The following SYNPR variants were observed in gnomAD, a reference collection of about 807,000 sequenced individuals.
SYNPR encodes the protein synaptoporin.
A neutral mutation model predicts 32.9 loss-of-function variants in SYNPR; 23 were observed. The ratio of observed to expected loss-of-function variants is 0.70; its 90% CI spans 0.50 to 0.99. The LOEUF is 0.99. Among genes scored for constraint, SYNPR ranks in the 50% least tolerant of loss-of-function variants. The pLI, the probability that SYNPR is intolerant of heterozygous loss-of-function variation, is 0.00. For missense variants in SYNPR, 318 were observed against 349.3 expected (o/e 0.91, Z 0.71); for synonymous variants, 146 against 135.9 (o/e 1.07, Z -0.52).
chr3:63,348,990 T>C lies in SYNPR; in HGVS notation c.84+70248T>C, dbSNP rs572532984. 9.2e-5 allele frequency among the ~76,000 whole-genome samples: 14 copies of C among 152,350 alleles called. 1 individual carries two copies. Among genetic ancestry groups the C allele is most frequent in the Middle Eastern group, 3.4e-3 (1 of 294 alleles). On this transcript the variant is annotated intron_variant, in intron 2 of 5. Coordinates refer to ENST00000478300, the MANE Select transcript of SYNPR (RefSeq NM_001130003.2). ...ATTTTGCTTAGGATTGCTTTGACTT[T>C]TGGTCTCTTTTTAGTTCCATATGAA...
chr3:63,390,667 CCCAGT>C (rs1193212690), intron 2 of SYNPR, among the ~76,000 whole-genome samples: 1 of 152,172 alleles, frequency 6.6e-6, no homozygotes, highest in African/African-American at 2.4e-5. Flanking sequence ...TTCACACATT[CCCAGT>C]AATGCTCTGG....
chr3:63,582,626 A>G (rs1419401269), intron 4 of SYNPR, among the ~76,000 whole-genome samples: 1 of 152,070 alleles, frequency 6.6e-6, no homozygotes, highest in Non-Finnish European at 1.5e-5. Flanking sequence ...TTTTTACTTT[A>G]TCTGCTTATA....
upstream of SYNPR, among the ~76,000 whole-genome samples, chr3:63,224,450 T>C (rs2086114413): frequency 6.6e-6 from 1 of 152,144 alleles, no homozygotes; most frequent in Admixed American, 6.5e-5. Context: ...ACATGACTAA[T>C]TTTTACCAGG....
chr3:63,280,722 AGG>A (rs1456823049), intron 2 of SYNPR, among the ~76,000 whole-genome samples: 1 of 127,518 alleles, frequency 7.8e-6, no homozygotes, highest in African/African-American at 2.7e-5. Context: ...CCCTTGGGGG[AGG>A]GGTGTGTGTG....
intron 2 of SYNPR, among the ~76,000 whole-genome samples, chr3:63,298,457 C>T (rs370556365): frequency 4.3e-5 from 2 of 46,444 alleles, no homozygotes; most frequent in South Asian, 8.0e-4. Flanking sequence ...GAAGAACCAG[C>T]GTGATGTAAT....
chr3:63,207,589 T>C, the SYNPR span, among the ~76,000 whole-genome samples: 2 of 152,068 alleles, frequency 1.3e-5, no homozygotes, highest in African/African-American at 2.4e-5. Flanking sequence ...CTAAACAAAA[T>C]CACAACACAA....
At chr3:63,552,096 C>T (rs902741480) in intron 3 of SYNPR, among the ~76,000 whole-genome samples, 1 of 151,948 alleles carries the variant, frequency 6.6e-6, no homozygotes, top group African/African-American at 2.4e-5. Context: ...CGAGGTTTCA[C>T]CATGTTGGTC....
chr3:63,351,442 C>G (rs1343475966), intron 2 of SYNPR: 1 of 152,130 alleles, frequency 6.6e-6, no homozygotes, highest in Non-Finnish European at 1.5e-5. Flanking sequence ...TTCCAAGAAG[C>G]AAAGATTCTT....
At chr3:63,469,169 G>C (rs905484384) in intron 2 of SYNPR, among the ~76,000 whole-genome samples, 2 of 152,090 alleles carry the variant, frequency 1.3e-5, no homozygotes, top group African/African-American at 4.8e-5. Context: ...CGCTGCACAT[G>C]GCAATCTGAG....
intron 4 of SYNPR, among the ~76,000 whole-genome samples, chr3:63,592,868 C>G (rs1002896903): frequency 1.3e-5 from 2 of 152,020 alleles, no homozygotes; most frequent in African/African-American, 4.8e-5. Context: ...CTGGGCTAAG[C>G]ATTTTATTGC....
intron 2 of SYNPR, among the ~76,000 whole-genome samples, chr3:63,256,494 C>T (rs2106895120): frequency 2.0e-5 from 3 of 152,280 alleles, no homozygotes; most frequent in African/African-American, 7.2e-5. Flanking sequence ...TCCAACAGAC[C>T]CGCAGCTGAG....
intron 4 of SYNPR, among the ~76,000 whole-genome samples, chr3:63,585,400 C>G (rs1242898429): frequency 6.6e-6 from 1 of 151,862 alleles, no homozygotes; most frequent in Non-Finnish European, 1.5e-5. Context: ...CATGCATGCC[C>G]CTGGAAGGCA....
At chr3:63,599,378 T>A (rs775440102) in intron 4 of SYNPR, among the ~76,000 whole-genome samples, 11 of 152,210 alleles carry the variant, frequency 7.2e-5, no homozygotes, top group Non-Finnish European at 1.2e-4. Flanking sequence ...AAGTGTACTA[T>A]TTTTTATCCT....
At chr3:63,410,214 C>T (rs1015837734) in intron 2 of SYNPR, among the ~76,000 whole-genome samples, 38 of 152,116 alleles carry the variant, frequency 2.5e-4, no homozygotes, top group Non-Finnish European at 5.3e-4. Flanking sequence ...CTAGGTACTG[C>T]AAAAACAAGA....
At chr3:63,292,052 T>C (rs1456218340) in intron 2 of SYNPR, among the ~76,000 whole-genome samples, 4 of 152,300 alleles carry the variant, frequency 2.6e-5, no homozygotes, top group East Asian at 3.9e-4. Flanking sequence ...CTGTACTGAA[T>C]ACTGTAAGCA....
intron 4 of SYNPR, among the ~76,000 whole-genome samples, chr3:63,602,842 A>G (rs575819870): frequency 5.9e-5 from 9 of 151,950 alleles, no homozygotes; most frequent in African/African-American, 1.7e-4. Context: ...CATTTTTTCC[A>G]TATTAATTTT....
At chr3:63,223,372 G>A (rs2086104653), upstream of SYNPR, among the ~76,000 whole-genome samples, 1 of 116,224 alleles carries the variant, frequency 8.6e-6, no homozygotes, top group Non-Finnish European at 2.0e-5. Context: ...AGCTCCTCCA[G>A]GTTTTTCCCT....
intron 2 of SYNPR, among the ~76,000 whole-genome samples, chr3:63,296,921 T>C (rs1199619025): frequency 6.6e-6 from 1 of 152,186 alleles, no homozygotes; most frequent in Non-Finnish European, 1.5e-5. Flanking sequence ...CCATAGCCAC[T>C]CACTACATAT....
chr3:63,218,591 C>G, the SYNPR span, among the ~76,000 whole-genome samples: 1 of 152,156 alleles, frequency 6.6e-6, no homozygotes, highest in Admixed American at 6.6e-5. Flanking sequence ...AGTGAAATAC[C>G]TGTAAACTCT....
Sources: allele counts gnomAD v4.1 joint callset (sites outside exome capture counted in the v4.1 genomes callset), GRCh38; gene constraint gnomAD v4.1.1; transcripts MANE v1.5; gene names NCBI Gene and HGNC (gene_info 2026-07-23, HGNC 2026-07-21).